Variants in ADORA2B observed in about 807,000 individuals in gnomAD.
The protein encoded by ADORA2B is adenosine receptor A2b.
ADORA2B carries 18 observed loss-of-function variants against 20.8 expected under a neutral mutation model. The ratio of observed to expected loss-of-function variants is 0.87; its 90% confidence interval spans 0.60 to 1.29. The LOEUF is 1.29. Among genes scored for constraint, ADORA2B ranks in the 50% most tolerant of loss-of-function variants. ADORA2B has a pLI of 0.00. For missense variants in ADORA2B, 441 were observed against 422.7 expected, an observed-to-expected ratio of 1.04 and a Z score of -0.38; for synonymous variants, 179 against 178.3, an observed-to-expected ratio of 1.00 and a Z score of -0.03.
At chr17:15,933,409 C>G in the ADORA2B span, among the ~76,000 whole-genome samples, 3,349 of 152,206 alleles carry the variant, frequency 0.022, 135 homozygotes, top group African/African-American at 0.076. Context: ...ATAATATTGT[C>G]TTCCAATCCA....
the ADORA2B span, among the ~76,000 whole-genome samples, chr17:15,923,133 G>A: frequency 6.8e-5 from 10 of 147,078 alleles, no homozygotes; most frequent in South Asian, 2.2e-3. Context: ...AGTGGTTCTC[G>A]TGCCTCAGCC....
At chr17:15,887,303 G>A in the ADORA2B span, among the ~76,000 whole-genome samples, 6 of 130,806 alleles carry the variant, frequency 4.6e-5, 2 homozygotes, top group Admixed American at 7.5e-5. Context: ...CCCAAGTGCC[G>A]TCAGTGCAGA....
At chr17:15,942,566 T>C (rs1030706467), upstream of ADORA2B, among the ~76,000 whole-genome samples, 3 of 152,150 alleles carry the variant, frequency 2.0e-5, no homozygotes, top group African/African-American at 7.2e-5. Flanking sequence ...GGTTGGGCTC[T>C]GAAAAGGGGA....
upstream of ADORA2B, among the ~76,000 whole-genome samples, chr17:15,941,951 G>A (rs1969749059): frequency 6.6e-6 from 1 of 151,888 alleles, no homozygotes; most frequent in Admixed American, 6.6e-5. Context: ...ACTTTGTGAA[G>A]AGGGGCGGGT....
At chr17:15,949,835 A>G (rs1234396238) in intron 1 of ADORA2B, among the ~76,000 whole-genome samples, 2 of 152,122 alleles carry the variant, frequency 1.3e-5, no homozygotes, top group African/African-American at 4.8e-5. Context: ...CTGGGTGACA[A>G]TAGCGAAACT....
intron 1 of ADORA2B, among the ~76,000 whole-genome samples, chr17:15,958,551 T>G (rs1969998529): frequency 1.3e-5 from 2 of 152,138 alleles, no homozygotes; most frequent in Admixed American, 6.5e-5. Flanking sequence ...CCCTTGCCCC[T>G]ACTCCCCACC....
chr17:15,958,829 T>A (rs1229895385), intron 1 of ADORA2B, among the ~76,000 whole-genome samples: 1 of 152,230 alleles, frequency 6.6e-6, no homozygotes, highest in African/African-American at 2.4e-5. Context: ...GCAGCTCTTT[T>A]CTTAATTATT....
the ADORA2B span, among the ~76,000 whole-genome samples, chr17:15,893,972 G>C: frequency 6.6e-6 from 1 of 152,204 alleles, no homozygotes; most frequent in East Asian, 1.9e-4. Context: ...GGGCATGGCT[G>C]TGTCCCAACA....
intron 1 of ADORA2B, among the ~76,000 whole-genome samples, chr17:15,971,128 C>T (rs115327457): frequency 0.016 from 2,417 of 152,310 alleles, 66 homozygotes; most frequent in African/African-American, 0.054. Flanking sequence ...CCGCTGTACT[C>T]GATACAGCTT....
At chr17:15,918,941 C>T in the ADORA2B span, among the ~76,000 whole-genome samples, 7 of 152,258 alleles carry the variant, frequency 4.6e-5, no homozygotes, top group South Asian at 1.5e-3. Flanking sequence ...GCAGGAGGAG[C>T]AAATAGTGAA....
the ADORA2B span, among the ~76,000 whole-genome samples, chr17:15,924,523 A>T: frequency 6.6e-6 from 1 of 152,158 alleles, no homozygotes; most frequent in Non-Finnish European, 1.5e-5. Flanking sequence ...CGAGGTCAGG[A>T]GATCGAGACC....
chr17:15,886,242 A>C, the ADORA2B span, among the ~76,000 whole-genome samples: 1 of 132,834 alleles, frequency 7.5e-6, no homozygotes, highest in Non-Finnish European at 1.6e-5. Context: ...GGAATCTTGT[A>C]GTGGCTCGCC....
At chr17:15,934,127 C>A in the ADORA2B span, among the ~76,000 whole-genome samples, 1 of 151,914 alleles carries the variant, frequency 6.6e-6, no homozygotes, top group Non-Finnish European at 1.5e-5. Flanking sequence ...GTTATTTTTC[C>A]TTTATTCTAT....
chr17:15,917,134 C>G, the ADORA2B span, among the ~76,000 whole-genome samples: 3 of 152,226 alleles, frequency 2.0e-5, no homozygotes, highest in East Asian at 5.8e-4. Flanking sequence ...AAAAACGAGA[C>G]TGCATCTCCA....
chr17:15,898,330 T>TCTGC, the ADORA2B span, among the ~76,000 whole-genome samples: 1 of 152,072 alleles, frequency 6.6e-6, no homozygotes, highest in Non-Finnish European at 1.5e-5. Context: ...GTTTTGCTTT[T>TCTGC]CTGCCCAGAC....
the ADORA2B span, among the ~76,000 whole-genome samples, chr17:15,897,770 G>A: frequency 6.6e-6 from 1 of 152,070 alleles, no homozygotes; most frequent in Middle Eastern, 3.4e-3. Flanking sequence ...TGATAACCCT[G>A]AGAGGATGTG....
the ADORA2B span, among the ~76,000 whole-genome samples, chr17:15,914,315 GC>G: frequency 1.3e-5 from 2 of 152,268 alleles, no homozygotes; most frequent in Admixed American, 1.3e-4. Context: ...TTCCACCTCA[GC>G]CTCCTAAGTA....
At chr17:15,886,215 C>A in the ADORA2B span, among the ~76,000 whole-genome samples, 3 of 152,182 alleles carry the variant, frequency 2.0e-5, no homozygotes. Context: ...GTCTCCCAGG[C>A]TCCCAGAACT....
At chr17:15,944,703 C>T (rs1025890154), upstream of ADORA2B, among the ~76,000 whole-genome samples, 20 of 152,216 alleles carry the variant, frequency 1.3e-4, no homozygotes, top group Admixed American at 1.2e-3. This position sits in a 1 kb window ranked among gnomAD's most constrained non-coding sequence, Gnocchi z 4.8. Context: ...CCGGCAGCCC[C>T]CCATCCAGTC....
Sources: allele counts gnomAD v4.1 joint callset (sites outside exome capture counted in the v4.1 genomes callset), GRCh38; gene constraint gnomAD v4.1.1; non-coding constraint Gnocchi (gnomAD v3.1); transcripts MANE v1.5; gene names NCBI Gene and HGNC (gene_info 2026-07-23, HGNC 2026-07-21).